Variants in DOCK8 observed in about 807,000 individuals in gnomAD.
The protein encoded by DOCK8 is dedicator of cytokinesis 8, also known as dedicator of cytokinesis protein 8.
A neutral mutation model predicts 245.6 loss-of-function variants in DOCK8; 141 were observed. The ratio of observed to expected loss-of-function variants is 0.57; its 90% CI spans 0.50 to 0.66. The LOEUF is 0.66. Among genes scored for constraint, DOCK8 ranks in the 30% least tolerant of loss-of-function variants. The pLI, the probability that DOCK8 is intolerant of heterozygous loss-of-function variation, is 0.00. For synonymous variants in DOCK8, 1,168 were observed against 970.2 expected (o/e 1.20, Z -3.79); for missense variants, 2,965 against 2,603.4 (o/e 1.14, Z -3.02).
chr9:450,620 T>G (rs2057396237), intron 45 of DOCK8, among the ~76,000 whole-genome samples: 1 of 152,132 alleles, frequency 6.6e-6, no homozygotes, highest in Admixed American at 6.6e-5. Context: ...TCATGAGTCT[T>G]TTCTCATTCA....
intron 47 of DOCK8, among the ~76,000 whole-genome samples, chr9:463,956 G>A (rs2057894301): frequency 6.6e-6 from 1 of 152,130 alleles, no homozygotes; most frequent in Admixed American, 6.5e-5. Context: ...TGGTTTTTTT[G>A]TTTGTTTGGT....
intron 26 of DOCK8, among the ~76,000 whole-genome samples, chr9:401,810 C>G (rs566776571): frequency 6.6e-6 from 1 of 152,266 alleles, no homozygotes; most frequent in African/African-American, 2.4e-5. Flanking sequence ...AGCCATACCA[C>G]CCTGAACGCA....
At chr9:373,737 G>A (rs1324972414) in intron 18 of DOCK8, among the ~76,000 whole-genome samples, 2 of 152,040 alleles carry the variant, frequency 1.3e-5, no homozygotes, top group African/African-American at 4.8e-5. Context: ...CTTTTGCCCT[G>A]GACCACAGGC....
intron 30 of DOCK8, 104 bp from the exon 31 acceptor site, chr9:420,297 A>T: frequency 1.6e-6 from 2 of 1,242,082 alleles, no homozygotes; most frequent in Non-Finnish European, 2.3e-6. Context: ...ATGGTATTTT[A>T]AGAGAACACT....
intron 36 of DOCK8, among the ~76,000 whole-genome samples, chr9:430,169 G>A (rs904716648): frequency 6.6e-6 from 1 of 152,208 alleles, no homozygotes; most frequent in African/African-American, 2.4e-5. Flanking sequence ...GAAGTCAGGA[G>A]TTCAAGACTA....
At chr9:333,654 A>C (rs1248279914) in intron 10 of DOCK8, among the ~76,000 whole-genome samples, 1 of 151,574 alleles carries the variant, frequency 6.6e-6, no homozygotes, top group Non-Finnish European at 1.5e-5. Flanking sequence ...TTAGTATTGT[A>C]CTCTACAGAC....
intron 22 of DOCK8, among the ~76,000 whole-genome samples, chr9:383,606 A>G (rs2053818774): frequency 6.7e-6 from 1 of 149,136 alleles, no homozygotes; most frequent in Non-Finnish European, 1.5e-5. Context: ...AGGCTGAGGC[A>G]GGAGAATCAC....
chr9:434,350 C>T (rs972877516), intron 38 of DOCK8, among the ~76,000 whole-genome samples: 10 of 152,004 alleles, frequency 6.6e-5, no homozygotes, highest in African/African-American at 1.5e-4. Flanking sequence ...TCATTTTTTA[C>T]GCGTAGTTTA....
upstream of DOCK8, chr9:214,685 C>A (rs1448072273): frequency 3.8e-6 from 6 of 1,579,218 alleles, no homozygotes; most frequent in Admixed American, 7.3e-5. Context: ...CCGGGCAGAG[C>A]GCGCCGTCTG....
chr9:356,421 T>G (rs146716552), intron 14 of DOCK8, among the ~76,000 whole-genome samples: 3 of 151,242 alleles, frequency 2.0e-5, no homozygotes, highest in East Asian at 3.9e-4. Context: ...TCCCAGCTAC[T>G]CCGGAGGCTG....
At chr9:230,168 C>T (rs1168770636) in intron 1 of DOCK8, among the ~76,000 whole-genome samples, 1 of 150,316 alleles carries the variant, frequency 6.7e-6, no homozygotes, top group East Asian at 2.0e-4. Context: ...GGTTTTTTGT[C>T]CTTGCGATAG....
intron 1 of DOCK8, among the ~76,000 whole-genome samples, chr9:267,053 G>T (rs2048050608): frequency 6.6e-6 from 1 of 152,168 alleles, no homozygotes; most frequent in Non-Finnish European, 1.5e-5. Flanking sequence ...GGGTAGAGAT[G>T]AAGAAGGTTG....
intron 22 of DOCK8, among the ~76,000 whole-genome samples, chr9:384,185 G>A (rs962145010): frequency 1.3e-5 from 2 of 152,074 alleles, no homozygotes; most frequent in South Asian, 4.1e-4. Flanking sequence ...CTCTCATTAG[G>A]AATTTTTTAA....
intron 9 of DOCK8, among the ~76,000 whole-genome samples, chr9:329,480 A>G (rs1016636418): frequency 1.3e-5 from 2 of 152,224 alleles, no homozygotes; most frequent in African/African-American, 2.4e-5. Context: ...AACAAAGATT[A>G]TGAGAGGTTA....
chr9:235,745 C>T (rs985071668), intron 1 of DOCK8, among the ~76,000 whole-genome samples: 28 of 152,140 alleles, frequency 1.8e-4, no homozygotes, highest in African/African-American at 6.0e-4. Flanking sequence ...TTTTTAAGCC[C>T]GTTGGAAAAG....
chr9:431,880 T>C (rs1195833612), intron 36 of DOCK8, among the ~76,000 whole-genome samples: 2 of 152,172 alleles, frequency 1.3e-5, no homozygotes, highest in African/African-American at 4.8e-5. Context: ...GACCCAACTT[T>C]ATAAGAATCT....
chr9:311,026 C>T (rs1244216411), intron 5 of DOCK8, among the ~76,000 whole-genome samples: 1 of 152,160 alleles, frequency 6.6e-6, no homozygotes, highest in East Asian at 1.9e-4. Context: ...TGGCTCACCC[C>T]TGTAATCCTA....
At chr9:289,822 T>A (rs2048966116) in intron 4 of DOCK8, among the ~76,000 whole-genome samples, 2 of 152,220 alleles carry the variant, frequency 1.3e-5, no homozygotes, top group South Asian at 4.1e-4. Context: ...GATATGTTGT[T>A]ATTAACTAAA....
chr9:235,312 G>T (rs1008525660), intron 1 of DOCK8, among the ~76,000 whole-genome samples: 1 of 152,270 alleles, frequency 6.6e-6, no homozygotes, highest in Middle Eastern at 3.4e-3. Context: ...CCCCTACTGG[G>T]GGGTGCCTCC....
Sources: gnomAD v4.1 joint callset for allele counts (sites outside exome capture counted in the v4.1 genomes callset) on GRCh38, gnomAD v4.1.1 for gene constraint, MANE v1.5 for transcripts, NCBI Gene and HGNC (gene_info 2026-07-23, HGNC 2026-07-21) for gene names.